GHRHR: variants seen among roughly 807,000 people sequenced by gnomAD.
GHRHR encodes growth hormone releasing hormone receptor, also known as growth hormone-releasing hormone receptor.
A neutral mutation model predicts 58.3 loss-of-function variants in GHRHR; 40 were observed. That is an observed-to-expected ratio of 0.69 (90% CI 0.53 to 0.89). The LOEUF (loss-of-function observed/expected upper bound fraction) is 0.89, where lower values mean the gene tolerates loss of function less well. Among genes scored for constraint, GHRHR ranks in the 40% least tolerant of loss-of-function variants. The probability of loss-of-function intolerance (pLI) is 0.00; values close to 1 mark genes in which losing one functional copy is unlikely to be tolerated. For synonymous variants in GHRHR, 249 were observed against 216.6 expected, an observed-to-expected ratio of 1.15 and a Z score of -1.31; for missense variants, 551 against 541.3, an observed-to-expected ratio of 1.02 and a Z score of -0.18.
intron 1 of GHRHR, 23 bp from the exon 2 acceptor site, chr7:30,968,811 A>T: frequency 6.4e-7 from 1 of 1,568,104 alleles, no homozygotes; most frequent in Non-Finnish European, 8.8e-7. Flanking sequence ...GGCTTGGCTC[A>T]TCCTGTTCAC....
intron 4 of GHRHR, among the ~76,000 whole-genome samples, chr7:30,970,413 A>G (rs1163659800): frequency 6.6e-6 from 1 of 152,216 alleles, no homozygotes; most frequent in Non-Finnish European, 1.5e-5. Flanking sequence ...CAGCCAGCAC[A>G]CCGCACACTT....
chr7:30,976,722 A>G (rs1035641651), intron 11 of GHRHR, among the ~76,000 whole-genome samples, 164 bp downstream of exon 11: 3 of 152,104 alleles, frequency 2.0e-5, no homozygotes, highest in Admixed American at 2.0e-4. Context: ...CCATCTACGT[A>G]TTCAACTACC....
At chr7:30,976,597 G>T (rs1190440008) in intron 11 of GHRHR, 39 bp downstream of exon 11, 2 of 1,598,936 alleles carry the variant, frequency 1.3e-6, no homozygotes, top group African/African-American at 1.3e-5. Flanking sequence ...TCCATTGAGG[G>T]TGCTGGAGGG....
intron 9 of GHRHR, 41 bp from the exon 10 acceptor site, chr7:30,975,731 TACCCC>T (rs753594627): frequency 1.7e-5 from 20 of 1,144,898 alleles, no homozygotes; most frequent in South Asian, 2.4e-5. Context: ...CACCCAAGGC[TACCCC>T]CTGACCCTTG....
chr7:30,973,853 G>A, intron 6 of GHRHR, 132 bp from the exon 7 acceptor site: 2 of 822,188 alleles, frequency 2.4e-6, no homozygotes, highest in Non-Finnish European at 4.1e-6. Context: ...CCTCTTGGGT[G>A]GCCCAAGGAG....
Position 30,976,509 on chromosome 7 carries a change from C to G in GHRHR, c.1055C>G (p.Ala352Gly). The change falls in exon 11 of 13, where the codon GCT becomes GGT. Residue 352 changes from alanine (A) to glycine (G), a missense_variant. By Grantham distance (60) the Ala-to-Gly change is moderately conservative (BLOSUM62 0). Transcript: ENST00000326139. ...ATCTTCAACTTCCTGCCAGACAATG[C>G]TGGCCTGGGCATCCGCCTCCCCCTG... is the stretch of plus-strand genomic sequence containing the variant. Reference protein sequence around the residue: ...YIIFNFLPDNAGLGIRLPLEL... With the variant: ...YIIFNFLPDNGGLGIRLPLEL... 1.9e-6 allele frequency: 3 copies of G among 1,613,460 alleles called. No homozygotes were observed. The highest frequency in any genetic ancestry group is 2.5e-6 in the Non-Finnish European group (3 of 1,179,436).
rs573468728 is a variant in GHRHR, at chr7:30,968,465, G to A, written c.58-369G>A. On this transcript the variant is annotated intron_variant, in intron 1 of 12. Coordinates refer to ENST00000326139, the MANE Select transcript of GHRHR (RefSeq NM_000823.4). ...ATCCATCCAAACCTAGGCAGACCTA[G>A]GTTTGTATACCAACTTCCTCTTTTC... Among the ~76,000 whole-genome samples the A allele has an allele frequency of 7.9e-5, 12 of 152,224 alleles. No individual in the cohort carries two copies. The East Asian group carries it at 2.3e-3, about 30-fold the overall frequency.
intron 12 of GHRHR, 124 bp from the exon 13 acceptor site, chr7:30,978,995 T>A (rs1584417988): frequency 1.1e-6 from 1 of 909,876 alleles, no homozygotes; most frequent in East Asian, 2.4e-5. Context: ...TTGCCAAGCA[T>A]GACTTTTCCT....
chr7:30,970,963 A>C, intron 4 of GHRHR, 156 bp from the exon 5 acceptor site: 1 of 691,176 alleles, frequency 1.4e-6, no homozygotes, highest in South Asian at 1.5e-5. Flanking sequence ...GCTCCAGTGC[A>C]CAGGGGGAGC....
rs1222045669 is a variant in GHRHR at position 30,964,042 on chromosome 7, G to A, written c.-27G>A. 1.9e-6 allele frequency: 3 copies of A among 1,548,390 alleles called. No homozygotes were observed. The highest frequency in any genetic ancestry group is 2.6e-6 in the Non-Finnish European group (3 of 1,144,906). ...AGATAGCCAAGGCTTACTGAGGCTG[G>A]TGGAGGGAGCCACTGCTGGGCTCAC... On this transcript the variant is annotated 5_prime_UTR_variant, in exon 1 of 13. The change creates a new upstream start codon in the 5' untranslated region. Coordinates refer to ENST00000326139, the MANE Select transcript of GHRHR (RefSeq NM_000823.4).
chr7:30,969,064 C>T lies in GHRHR; in HGVS notation c.162C>T (p.Gly54=). Residue 54 remains glycine, a splice_region_variant and synonymous_variant, in exon 3 of 13, where the codon GGC becomes GGT. Transcript: ENST00000326139. ...TGCTGCTCCTGGCTCTCTATCCAGG[C>T]TGCCCTGCGACCTGGGATGGGCTGC... ...AAEEMPNTTL[G]CPATWDGLLC... 6.3e-7 allele frequency: 1 copy of T among 1,577,652 alleles called. No individual in the cohort carries two copies. The highest frequency in any genetic ancestry group is 8.6e-7 in the Non-Finnish European group (1 of 1,160,596).
chr7:30,976,738 A>G lies in GHRHR; in HGVS notation c.1104+180A>G, dbSNP rs549890501. On this transcript the variant is annotated intron_variant, in intron 11 of 12. Transcript: ENST00000326139. ...CATCTACGTATTCAACTACCCATGC[A>G]TTCTTCCATCCATCCATCCATCCAT... Among the ~76,000 whole-genome samples, 3 of 152,156 alleles carry G rather than the reference A, an allele frequency of 2.0e-5. No individual in the cohort carries two copies. In the South Asian group the frequency reaches 6.2e-4, roughly 32 times the overall value.
chr7:30,971,318 C>G, intron 5 of GHRHR, 102 bp downstream of exon 5: 1 of 710,294 alleles, frequency 1.4e-6, no homozygotes, highest in South Asian at 1.5e-5. Flanking sequence ...CTTCCCAGAT[C>G]TAGGCGCCAT....
intron 5 of GHRHR, 94 bp from the exon 6 acceptor site, chr7:30,971,869 G>T: frequency 8.7e-7 from 1 of 1,152,798 alleles, no homozygotes; most frequent in Non-Finnish European, 1.3e-6. Context: ...AGTTTGATTC[G>T]ATTCACCTCC....
At chr7:30,964,597 C>T (rs1022902836) in intron 1 of GHRHR, among the ~76,000 whole-genome samples, 2 of 152,192 alleles carry the variant, frequency 1.3e-5, no homozygotes, top group African/African-American at 4.8e-5. Context: ...CTCCCTGAGC[C>T]ACTCTCCAGT....
rs149678088 is a variant in GHRHR, at chr7:30,974,488, G to C, written c.811G>C (p.Ala271Pro). Residue 271 changes from alanine to proline, a missense_variant and splice_region_variant, in exon 8 of 13, where the codon GCG becomes CCG. Ala to Pro is a conservative substitution (Grantham distance 27). Transcript: ENST00000326139. Reference protein sequence around the residue: ...VSCKLAFEDIACWDLDDTSPY... With the variant: ...VSCKLAFEDIPCWDLDDTSPY... ...CTGCAAACTGGCCTTCGAGGACATCGCGTGAGTCGGAGCGGCCACCTTGTC... is the reference window on the plus strand; with the variant it reads ...CTGCAAACTGGCCTTCGAGGACATCCCGTGAGTCGGAGCGGCCACCTTGTC... The C allele has an allele frequency of 6.2e-7, 1 of 1,609,302 alleles. No homozygotes were observed. Among genetic ancestry groups the C allele is most frequent in the Non-Finnish European group, 8.5e-7 (1 of 1,175,552 alleles).
Position 30,973,452 on chromosome 7 carries a change from G to C in GHRHR, c.598-533G>C, listed in dbSNP as rs572758919. Reference sequence around the variant, plus strand: ...TGGCAAGGTCACCCAGTGGCACACGGGTGGGGCTGGGATCAAACCTGGGCC... The same window carrying C: ...TGGCAAGGTCACCCAGTGGCACACGCGTGGGGCTGGGATCAAACCTGGGCC... On this transcript the variant is annotated intron_variant, in intron 6 of 12. Coordinates refer to ENST00000326139, the MANE Select transcript of GHRHR (RefSeq NM_000823.4). 2.6e-4 allele frequency among the ~76,000 whole-genome samples: 39 copies of C among 152,306 alleles called. 1 individual carries two copies. In the East Asian group the frequency reaches 6.6e-3, roughly 26 times the overall value.
At chr7:30,970,102 A>G (rs914390944) in intron 4 of GHRHR, 138 bp downstream of exon 4, 2 of 723,042 alleles carry the variant, frequency 2.8e-6, no homozygotes, top group African/African-American at 3.5e-5. Context: ...AGAGCAGTGA[A>G]GTGTCTGGAG....
rs376743526 is a variant in GHRHR at position 30,976,566 on chromosome 7, C to A, written c.1104+8C>A. 4.3e-6 allele frequency: 7 copies of A among 1,611,064 alleles called. No homozygotes were observed. The East Asian group carries it at 1.3e-4, about 31-fold the overall frequency. On this transcript the variant is annotated splice_region_variant and intron_variant, in intron 11 of 12. Coordinates refer to ENST00000326139, the MANE Select transcript of GHRHR (RefSeq NM_000823.4). Reference sequence around the variant, plus strand: ...GGACTGGGTTCCTTCCAGGTGAGGGCCCCCACAGGCACTCTTTCTTTCCAT... The same window carrying A: ...GGACTGGGTTCCTTCCAGGTGAGGGACCCCACAGGCACTCTTTCTTTCCAT...
Sources: gnomAD v4.1 joint callset for allele counts (sites outside exome capture counted in the v4.1 genomes callset) on GRCh38, gnomAD v4.1.1 for gene constraint, MANE v1.5 for transcripts, NCBI Gene and HGNC (gene_info 2026-07-23, HGNC 2026-07-21) for gene names.